Variants in NSD1 observed in about 807,000 individuals in gnomAD.
NSD1 encodes the protein histone-lysine N-methyltransferase, H3 lysine-36 specific.
A neutral mutation model predicts 242.7 loss-of-function variants in NSD1; 26 were observed. The ratio of observed to expected loss-of-function variants is 0.11; its 90% CI spans 0.08 to 0.15. The LOEUF (loss-of-function observed/expected upper bound fraction) is 0.15. Ranked by LOEUF, NSD1 falls within the 10% of genes least tolerant of loss-of-function variation. The pLI, the probability that NSD1 is intolerant of heterozygous loss-of-function variation, is 1.00. For missense variants in NSD1, 2,495 were observed against 3,272.8 expected, an observed-to-expected ratio of 0.76 and a Z score of 5.80; for synonymous variants, 1,106 against 1,178.1, an observed-to-expected ratio of 0.94 and a Z score of 1.25.
chr5:177,135,867 C>G lies in NSD1; in HGVS notation c.764C>G (p.Pro255Arg). 6.2e-7 allele frequency: 1 copy of G among 1,606,888 alleles called. No individual in the cohort carries two copies. The highest frequency in any genetic ancestry group is 8.5e-7 in the Non-Finnish European group (1 of 1,174,584). ...DGSNEKAALL[P>R]APFSLGDTNI... ...AGCAATGAAAAAGCAGCCCTTCTCC[C>G]AGCCCCCTTTTCACTAGGAGACACA... The change falls in exon 2 of 23, where the codon CCA becomes CGA. Residue 255 changes from proline (P) to arginine (R), a missense_variant. Pro to Arg is a moderately radical substitution (Grantham distance 103). This residue lies in a region of NSD1 where 376 missense variants were observed against 367.4 expected (regional missense o/e 1.02). Transcript: ENST00000439151.
At chr5:177,275,713 G>T (rs931889500) in intron 17 of NSD1, among the ~76,000 whole-genome samples, 5 of 152,068 alleles carry the variant, frequency 3.3e-5, no homozygotes, top group Non-Finnish European at 7.4e-5. Flanking sequence ...GATTACAGGC[G>T]TGAGCCACTG....
chr5:177,182,630 AATTTTTATTTT>A (rs1760788221), intron 2 of NSD1, among the ~76,000 whole-genome samples: 1 of 151,146 alleles, frequency 6.6e-6, no homozygotes, highest in Admixed American at 6.6e-5. Flanking sequence ...CGCTTTTTAA[AATTTTTATTTT>A]ATTTTTATTT....
chr5:177,258,931 T>TTCA (rs1365852921), intron 13 of NSD1, among the ~76,000 whole-genome samples: 4 of 152,240 alleles, frequency 2.6e-5, no homozygotes, highest in Non-Finnish European at 5.9e-5. Context: ...ACCTCCCAGG[T>TTCA]TCAAGAGATT....
rs79270699 is a variant in NSD1, at chr5:177,295,725, A to G, written c.*266A>G. On this transcript the variant is annotated 3_prime_UTR_variant, in exon 23 of 23. Coordinates refer to ENST00000439151, the MANE Select transcript of NSD1 (RefSeq NM_022455.5). This position sits in a 1 kb window ranked among gnomAD's most constrained non-coding sequence, Gnocchi z 4.3. ...GGTCTCTTTCCCCCAACTTTTCCACATGGTCATCGTGAAATAAAAAGTCCA... is the reference window on the plus strand; with the variant it reads ...GGTCTCTTTCCCCCAACTTTTCCACGTGGTCATCGTGAAATAAAAAGTCCA... 1.3e-5 allele frequency: 7 copies of G among 551,172 alleles called. No homozygotes were observed. Among genetic ancestry groups the G allele is most frequent in the Admixed American group, 3.1e-5 (1 of 32,438 alleles). 34.1% of individuals were successfully genotyped at this position (551,172 alleles called of 1,614,324 possible).
rs1760309828 is a variant in NSD1 at position 177,297,206 on chromosome 5, C to T, written c.*1747C>T. On this transcript the variant is annotated 3_prime_UTR_variant, in exon 23 of 23. Coordinates refer to ENST00000439151, the MANE Select transcript of NSD1 (RefSeq NM_022455.5). ...TCCTGAGTTTAGGGGCCTATCCCTGCATTTCACTGAGACCTCGGAATCTCC... is the reference window on the plus strand; with the variant it reads ...TCCTGAGTTTAGGGGCCTATCCCTGTATTTCACTGAGACCTCGGAATCTCC... 1 of 232,498 alleles carries T rather than the reference C, an allele frequency of 4.3e-6. No individual in the cohort carries two copies. The highest frequency in any genetic ancestry group is 2.2e-5 in the African/African-American group (1 of 45,284). The allele number at this position is 232,498 out of a possible 1,614,324, so 14.4% of individuals were successfully genotyped here. A position where few individuals can be genotyped will look rare whatever the true frequency, so the allele number is the denominator to read the frequency against.
chr5:177,141,319 C>CTTTTTT (rs567992731), intron 2 of NSD1, among the ~76,000 whole-genome samples: 4 of 97,034 alleles, frequency 4.1e-5, no homozygotes, highest in African/African-American at 2.4e-4. Flanking sequence ...CGCGCGCAGC[C>CTTTTTT]TTTTTTTTTT....
At chr5:177,273,312 T>TAAAAAAAAA (rs11452158) in intron 16 of NSD1, among the ~76,000 whole-genome samples, 2 of 90,886 alleles carry the variant, frequency 2.2e-5, no homozygotes, top group Non-Finnish European at 4.2e-5. Context: ...ACTGATGAGC[T>TAAAAAAAAA]AAAAAAAAAA....
In NSD1 at chr5:177,298,799, T is replaced by G. The variant is rs770565468; in HGVS notation, c.*3340T>G. The G allele has an allele frequency of 1.3e-5, 3 of 233,200 alleles. No homozygotes were observed. In the East Asian group the frequency reaches 1.8e-4, roughly 14 times the overall value. 14.4% of individuals were successfully genotyped at this position (233,200 alleles called of 1,614,324 possible). A position where few individuals can be genotyped will look rare whatever the true frequency, so the allele number is the denominator to read the frequency against. ...GGCAGAAAGTTTAGTCCTGACAGAT[T>G]CCCCCATAGGGAGTAATGAGGACAG... On this transcript the variant is annotated 3_prime_UTR_variant, in exon 23 of 23. Transcript: ENST00000439151.
At chr5:177,164,842 C>G (rs976272633) in intron 2 of NSD1, among the ~76,000 whole-genome samples, 3 of 151,646 alleles carry the variant, frequency 2.0e-5, no homozygotes, top group African/African-American at 7.3e-5. Flanking sequence ...ACTCAGGAAG[C>G]TGAGGCAGGA....
At chr5:177,179,238 A>G (rs1242322295) in intron 2 of NSD1, among the ~76,000 whole-genome samples, 1 of 152,052 alleles carries the variant, frequency 6.6e-6, no homozygotes, top group Non-Finnish European at 1.5e-5. Context: ...TTTTTGAGAC[A>G]GAGTTTCACT....
At chr5:177,259,698 T>C (rs1463014309) in intron 13 of NSD1, among the ~76,000 whole-genome samples, 1 of 152,190 alleles carries the variant, frequency 6.6e-6, no homozygotes, top group East Asian at 1.9e-4. Context: ...TCTCCCTATT[T>C]ATTCTGGGGC....
rs1581576822 is a variant in NSD1 at position 177,299,791 on chromosome 5, A to G, written c.*4332A>G. 1 of 233,192 alleles carries G rather than the reference A, an allele frequency of 4.3e-6. No homozygotes were observed. The highest frequency in any genetic ancestry group is 2.2e-5 in the African/African-American group (1 of 45,338). The allele number at this position is 233,192 out of a possible 1,614,324, so 14.4% of individuals were successfully genotyped here. A position where few individuals can be genotyped will look rare whatever the true frequency, so the allele number is the denominator to read the frequency against. On this transcript the variant is annotated 3_prime_UTR_variant, in exon 23 of 23. Transcript: ENST00000439151. ...AGTTTCGTGGACAAGACATGGGCAC[A>G]GAGAGTAGAAGCAGAAATAAATGGT... is the stretch of plus-strand genomic sequence containing the variant.
chr5:177,291,923 G>T, intron 21 of NSD1, 31 bp from the exon 22 acceptor site: 1 of 1,602,126 alleles, frequency 6.2e-7, no homozygotes, highest in Admixed American at 1.7e-5. Context: ...TGTGTTCACA[G>T]AATGCTGACT....
chr5:177,233,351 G>A (rs1388611823), intron 5 of NSD1, among the ~76,000 whole-genome samples: 1 of 151,866 alleles, frequency 6.6e-6, no homozygotes, highest in East Asian at 1.9e-4. Flanking sequence ...TTACAGGCGT[G>A]AGCTGCTGCA....
rs867877508 is a variant in NSD1 at position 177,209,898 on chromosome 5, G to T, written c.1499G>T (p.Arg500Ile). ...AAGCCTTGCGCTAAATCTCGAGCCAGAAAGAGCTCTGATAATCCAAAAAGG... is the reference window on the plus strand; with the variant it reads ...AAGCCTTGCGCTAAATCTCGAGCCATAAAGAGCTCTGATAATCCAAAAAGG... ...KEKPCAKSRARKSSDNPKRTS... is the reference protein window; with the variant it reads ...KEKPCAKSRAIKSSDNPKRTS... The change falls in exon 5 of 23, where the codon AGA (arginine) becomes ATA (isoleucine). Residue 500 changes from arginine to isoleucine, a missense_variant. Arg to Ile is a moderately conservative substitution (Grantham distance 97). Transcript: ENST00000439151. 2 of 1,614,158 alleles carry T rather than the reference G, an allele frequency of 1.2e-6. No individual in the cohort carries two copies. Among genetic ancestry groups the T allele is most frequent in the Middle Eastern group, 3.3e-4 (2 of 6,062 alleles).
intron 2 of NSD1, among the ~76,000 whole-genome samples, chr5:177,190,640 A>G (rs1282446130): frequency 1.3e-5 from 2 of 151,258 alleles, no homozygotes; most frequent in East Asian, 3.9e-4. Context: ...TTCATTTTCT[A>G]GTAGCTCTAT....
At chr5:177,204,537 A>G (rs1762739187) in intron 4 of NSD1, among the ~76,000 whole-genome samples, 1 of 152,112 alleles carries the variant, frequency 6.6e-6, no homozygotes, top group Admixed American at 6.6e-5. Context: ...TATTTAGTAG[A>G]GACAGGATTT....
chr5:177,150,095 C>T (rs1757579583), intron 2 of NSD1, among the ~76,000 whole-genome samples: 1 of 151,780 alleles, frequency 6.6e-6, no homozygotes, highest in African/African-American at 2.4e-5. Flanking sequence ...TCCCACCATG[C>T]CTGGCTAATT....
chr5:177,260,405 G>A (rs1184153853), intron 14 of NSD1, among the ~76,000 whole-genome samples: 1 of 124,728 alleles, frequency 8.0e-6, no homozygotes, highest in African/African-American at 3.1e-5. Flanking sequence ...GGAGTGCTAT[G>A]GCACAATCTC....
Sources: allele counts gnomAD v4.1 joint callset (sites outside exome capture counted in the v4.1 genomes callset), GRCh38; gene constraint gnomAD v4.1.1; regional missense constraint gnomAD v4.1.1; non-coding constraint Gnocchi (gnomAD v3.1); transcripts MANE v1.5; gene names NCBI Gene and HGNC (gene_info 2026-07-23, HGNC 2026-07-21).